ZNF384: variants seen among roughly 807,000 people sequenced by gnomAD.
The protein encoded by ZNF384 is zinc finger protein 384.
ZNF384 carries 20 observed loss-of-function variants against 65.0 expected under a neutral mutation model. The observed-to-expected ratio is 0.31, with a 90% CI of 0.22 to 0.45. The LOEUF is 0.45. ZNF384 is among the 20% of genes least tolerant of loss of function. The probability of loss-of-function intolerance (pLI) is 1.00; values close to 1 mark genes in which losing one functional copy is unlikely to be tolerated. For synonymous variants in ZNF384, 310 were observed against 303.9 expected (o/e 1.02, Z -0.21); for missense variants, 549 against 769.4 (o/e 0.71, Z 3.39).
chr12:6,677,255 C>T lies in ZNF384; in HGVS notation c.691G>A (p.Glu231Lys), dbSNP rs752674891. 40 of 1,311,862 alleles carry T rather than the reference C, an allele frequency of 3.0e-5. No homozygotes were observed. The highest frequency in any genetic ancestry group is 2.2e-4 in the Middle Eastern group (1 of 4,620). The allele number at this position is 1,311,862 out of a possible 1,614,324, so 81.3% of individuals were successfully genotyped here. Residue 231 changes from glutamate (E) to lysine (K), a missense_variant, in exon 7 of 12, where the codon GAA (glutamate) becomes AAA (lysine). Transcript: ENST00000683879. The stretch of plus-strand genomic sequence containing the variant: ...CCATTTCCTGTGCCGCAGTTCCCTT[C>T]GCTCCTAAAATGGGAACAACATTGC... Reference protein sequence around the residue: ...HQKDGKTYRSEGNCGTGNGQS... With the variant: ...HQKDGKTYRSKGNCGTGNGQS...
In ZNF384 at chr12:6,667,151, C is replaced by A; in HGVS notation, c.*563G>T. 1 of 259,890 alleles carries A rather than the reference C, an allele frequency of 3.8e-6. No homozygotes were observed. Among genetic ancestry groups the A allele is most frequent in the Non-Finnish European group, 7.5e-6 (1 of 132,832 alleles). 16.1% of individuals were successfully genotyped at this position (259,890 alleles called of 1,614,324 possible). A position where few individuals can be genotyped will look rare whatever the true frequency, so the allele number is the denominator to read the frequency against. On this transcript the variant is annotated 3_prime_UTR_variant, in exon 12 of 12. Coordinates refer to ENST00000683879, the MANE Select transcript of ZNF384 (RefSeq NM_001385745.1). ...CCCCTTCAAATAAAAGGAGGTCTAGCCCCTACCCCAAATCTCCTTCTACCA... is the reference window on the plus strand; with the variant it reads ...CCCCTTCAAATAAAAGGAGGTCTAGACCCTACCCCAAATCTCCTTCTACCA...
At chr12:6,671,277 A>T (rs1951390878) in intron 9 of ZNF384, 1 of 164,554 alleles carries the variant, frequency 6.1e-6, no homozygotes, top group South Asian at 1.5e-4. Context: ...ATGTTATGGT[A>T]ACAAAGAAAA....
At position 6,672,550 on chromosome 12, in the gene ZNF384, A is replaced by G. The variant is rs764402481; in HGVS notation, c.1005-18T>C. The G allele has an allele frequency of 6.2e-7, 1 of 1,611,882 alleles. No individual in the cohort carries two copies. The highest frequency in any genetic ancestry group is 1.7e-5 in the Admixed American group (1 of 59,822). On this transcript the variant is annotated intron_variant, in intron 8 of 11. Transcript: ENST00000683879. This position sits in a 1 kb window ranked among gnomAD's most constrained non-coding sequence, Gnocchi z 4.4. ...AGTGGATCCTGCCGGAGAGGAGAGG[A>G]GGGAAGGGGGGAGGAGGAAGCAGTT...
chr12:6,678,929 A>G lies in ZNF384; in HGVS notation c.304+17T>C. 1 of 1,609,962 alleles carries G rather than the reference A, an allele frequency of 6.2e-7. No homozygotes were observed. The highest frequency in any genetic ancestry group is 2.2e-5 in the East Asian group (1 of 44,878). On this transcript the variant is annotated intron_variant, in intron 4 of 11. Coordinates refer to ENST00000683879, the MANE Select transcript of ZNF384 (RefSeq NM_001385745.1). The surrounding 1 kb of genome is among the most constrained non-coding windows in gnomAD (Gnocchi z 4.9). ...GAAGATCAACACCTCAGATTGGAGA[A>G]GAGCAGAGTTGCTCACCAGCAGTCA...
rs369409034 is a variant in ZNF384 at position 6,673,204 on chromosome 12, G to C, written c.1004+12C>G. 45 of 1,612,172 alleles carry C rather than the reference G, an allele frequency of 2.8e-5. No homozygotes were observed. The African/African-American group carries it at 4.8e-4, about 17-fold the overall frequency. ...ACGGCCAGGTGGTGGGGTAAACCAA[G>C]AGCAGCCTTACCGGGTGTGCTGCTG... On this transcript the variant is annotated intron_variant, in intron 8 of 11. Transcript: ENST00000683879. This position sits in a 1 kb window ranked among gnomAD's most constrained non-coding sequence, Gnocchi z 4.7.
intron 2 of ZNF384, among the ~76,000 whole-genome samples, chr12:6,681,727 T>C (rs966027156): frequency 4.6e-5 from 7 of 152,200 alleles, no homozygotes; most frequent in Non-Finnish European, 8.8e-5. Context: ...TATCCTTTTA[T>C]AGAAAACATC....
chr12:6,678,733 T>C lies in ZNF384; in HGVS notation c.305-23A>G. ...CTCCTTGATTCAGAGAAGGAAAGAATGTCACCTCCTCAAAGGCAGGGACCG... is the reference window on the plus strand; with the variant it reads ...CTCCTTGATTCAGAGAAGGAAAGAACGTCACCTCCTCAAAGGCAGGGACCG... On this transcript the variant is annotated intron_variant, in intron 4 of 11. Transcript: ENST00000683879. The surrounding 1 kb of genome is among the most constrained non-coding windows in gnomAD (Gnocchi z 4.9). 1 of 1,613,630 alleles carries C rather than the reference T, an allele frequency of 6.2e-7. No homozygotes were observed. The highest frequency in any genetic ancestry group is 8.5e-7 in the Non-Finnish European group (1 of 1,179,570).
chr12:6,685,776 CAAA>C (rs778337408), intron 2 of ZNF384, among the ~76,000 whole-genome samples: 3 of 43,222 alleles, frequency 6.9e-5, no homozygotes, highest in Non-Finnish European at 1.4e-4. Flanking sequence ...GACTCAGTCT[CAAA>C]AAAAAAAAAA....
rs1037765308 is a variant in ZNF384, at chr12:6,673,619, T to C, written c.780-179A>G. On this transcript the variant is annotated intron_variant, in intron 7 of 11. Coordinates refer to ENST00000683879, the MANE Select transcript of ZNF384 (RefSeq NM_001385745.1). This position sits in a 1 kb window ranked among gnomAD's most constrained non-coding sequence, Gnocchi z 4.7. Reference sequence around the variant, plus strand: ...TTCTAACATGGTGCCCAGCACATTATAAATATTCAATAAATGTTTGCTGAA... The same window carrying C: ...TTCTAACATGGTGCCCAGCACATTACAAATATTCAATAAATGTTTGCTGAA... 6.6e-6 allele frequency among the ~76,000 whole-genome samples: 1 copy of C among 152,164 alleles called. No homozygotes were observed. Among genetic ancestry groups the C allele is most frequent in the Non-Finnish European group, 1.5e-5 (1 of 68,028 alleles).
intron 6 of ZNF384, 130 bp from the exon 7 acceptor site, chr12:6,677,389 C>G: frequency 9.9e-7 from 1 of 1,013,930 alleles, no homozygotes; most frequent in Non-Finnish European, 1.2e-6. Context: ...CTATACAGTG[C>G]TACCAAACTC....
chr12:6,689,517 G>C (rs1411405245), upstream of ZNF384: 1 of 152,334 alleles, frequency 6.6e-6, no homozygotes, highest in Non-Finnish European at 1.5e-5. Context: ...TAGCAATGTA[G>C]GGGGGGCGCT....
intron 2 of ZNF384, among the ~76,000 whole-genome samples, chr12:6,681,122 G>C (rs946954718): frequency 7.2e-5 from 11 of 151,938 alleles, no homozygotes; most frequent in African/African-American, 2.7e-4. Context: ...GGGAGGCTGA[G>C]GCAAGAGAAT....
chr12:6,672,638 C>G lies in ZNF384; in HGVS notation c.1005-106G>C, dbSNP rs1565427461. On this transcript the variant is annotated intron_variant, in intron 8 of 11. Transcript: ENST00000683879. The surrounding 1 kb of genome is among the most constrained non-coding windows in gnomAD (Gnocchi z 4.4). ...CGTTGCTTGACGGATGAGAGCACCC[C>G]CTTCCTCCCTCCTCCCAAAAACACT... 6.3e-6 allele frequency: 7 copies of G among 1,108,152 alleles called. No individual in the cohort carries two copies. In the East Asian group the frequency reaches 1.8e-4, roughly 29 times the overall value. The allele number at this position is 1,108,152 out of a possible 1,614,324, so 68.6% of individuals were successfully genotyped here. A position where few individuals can be genotyped will look rare whatever the true frequency, so the allele number is the denominator to read the frequency against.
chr12:6,674,366 T>TAG (rs1413236680), intron 7 of ZNF384, among the ~76,000 whole-genome samples: 1 of 152,198 alleles, frequency 6.6e-6, no homozygotes, highest in East Asian at 1.9e-4. Flanking sequence ...TATTCAGACT[T>TAG]TACTGAGTAA....
At position 6,679,066 on chromosome 12, in the gene ZNF384, G is replaced by A; in HGVS notation, c.184C>T (p.Pro62Ser). 1 of 1,614,200 alleles carries A rather than the reference G, an allele frequency of 6.2e-7. No individual in the cohort carries two copies. The highest frequency in any genetic ancestry group is 2.2e-5 in the East Asian group (1 of 44,870). The change falls in exon 4 of 12, where the codon CCC becomes TCC. Residue 62 changes from proline to serine, a missense_variant. Physicochemically the swap from Pro to Ser is moderately conservative, Grantham distance 74. This residue lies in a region of ZNF384 where 277 missense variants were observed against 337.2 expected (regional missense o/e 0.82). Transcript: ENST00000683879. ...LLTVPASVSL[P>S]SGISMDTESK... Reference sequence around the variant, plus strand: ...TCTGTGTCCATACTGATGCCTGAGGGCAGGGACACTGAGGCAGGCACTGTC... The same window carrying A: ...TCTGTGTCCATACTGATGCCTGAGGACAGGGACACTGAGGCAGGCACTGTC...
Position 6,674,823 on chromosome 12 carries a change from A to G in ZNF384, c.780-1383T>C, listed in dbSNP as rs556977821. On this transcript the variant is annotated intron_variant, in intron 7 of 11. Coordinates refer to ENST00000683879, the MANE Select transcript of ZNF384 (RefSeq NM_001385745.1). ...GCCTAGGACAGTCAAAGGTAAGCCA[A>G]GTATTCTCCAGTAATAAAACTGCAT... is the stretch of plus-strand genomic sequence containing the variant. Among the ~76,000 whole-genome samples, 4 of 152,344 alleles carry G rather than the reference A, an allele frequency of 2.6e-5. No individual in the cohort carries two copies. In the South Asian group the frequency reaches 6.2e-4, roughly 24 times the overall value.
intron 6 of ZNF384, 70 bp from the exon 7 acceptor site, chr12:6,677,329 T>A: frequency 8.0e-7 from 1 of 1,249,432 alleles, no homozygotes; most frequent in Non-Finnish European, 1.0e-6. Flanking sequence ...CTCCCAGCCA[T>A]GCACATCTGC....
At chr12:6,675,995 C>G (rs1953391717) in intron 7 of ZNF384, among the ~76,000 whole-genome samples, 2 of 152,092 alleles carry the variant, frequency 1.3e-5, no homozygotes, top group Non-Finnish European at 2.9e-5. Context: ...AACAGAAATT[C>G]ACTGTGATAA....
intron 2 of ZNF384, among the ~76,000 whole-genome samples, chr12:6,687,640 A>C (rs1451272815): frequency 6.6e-6 from 1 of 151,914 alleles, no homozygotes; most frequent in African/African-American, 2.4e-5. Flanking sequence ...ACCATGAAGC[A>C]GTTTTTTTTT....
Sources: allele counts gnomAD v4.1 joint callset (sites outside exome capture counted in the v4.1 genomes callset), GRCh38; gene constraint gnomAD v4.1.1; regional missense constraint gnomAD v4.1.1; non-coding constraint Gnocchi (gnomAD v3.1); transcripts MANE v1.5; gene names NCBI Gene and HGNC (gene_info 2026-07-23, HGNC 2026-07-21).